Variants in GALNTL6 observed in about 807,000 individuals in gnomAD.
The protein encoded by GALNTL6 is polypeptide N-acetylgalactosaminyltransferase like 6, also known as polypeptide N-acetylgalactosaminyltransferase-like 6.
GALNTL6 carries 46 observed loss-of-function variants against 73.7 expected under a neutral mutation model. The observed-to-expected ratio is 0.62, with a 90% CI of 0.49 to 0.80. The LOEUF is 0.80. Ranked by LOEUF, GALNTL6 falls within the 30% of genes least tolerant of loss-of-function variation. The probability of loss-of-function intolerance (pLI) is 0.00; values close to 1 mark genes in which losing one functional copy is unlikely to be tolerated. For synonymous variants in GALNTL6, 259 were observed against 263.7 expected, an observed-to-expected ratio of 0.98 and a Z score of 0.17; for missense variants, 604 against 755.0, an observed-to-expected ratio of 0.80 and a Z score of 2.34.
rs185798099 is a variant in GALNTL6, at chr4:172,012,805, A to G, written c.138+198087A>G. On this transcript the variant is annotated intron_variant, in intron 2 of 12. Coordinates refer to ENST00000506823, the MANE Select transcript of GALNTL6 (RefSeq NM_001034845.3). ...TTTGAGGACTCAGCTTTGGTAAAGT[A>G]TAATTTACATAAATAAAATCCACAA... 4.1e-4 allele frequency among the ~76,000 whole-genome samples: 63 copies of G among 152,150 alleles called. 1 individual carries two copies. The East Asian group carries it at 0.012, about 29-fold the overall frequency.
At chr4:171,945,431 A>G (rs1487572234) in intron 2 of GALNTL6, among the ~76,000 whole-genome samples, 2 of 152,166 alleles carry the variant, frequency 1.3e-5, no homozygotes, top group African/African-American at 4.8e-5. Flanking sequence ...GATAAGCAGC[A>G]ATGCAGTGAA....
At chr4:173,028,304 G>A (rs1414993990) in intron 12 of GALNTL6, among the ~76,000 whole-genome samples, 1 of 152,206 alleles carries the variant, frequency 6.6e-6, no homozygotes, top group East Asian at 1.9e-4. Flanking sequence ...CTCGCCTGAG[G>A]ATAGACTGAC....
At chr4:172,307,515 C>G (rs1381484055) in intron 3 of GALNTL6, among the ~76,000 whole-genome samples, 1 of 152,116 alleles carries the variant, frequency 6.6e-6, no homozygotes, top group African/African-American at 2.4e-5. Flanking sequence ...TTTGATCCAT[C>G]TTGAGTTGAT....
At chr4:171,860,667 C>T (rs1028498879) in intron 2 of GALNTL6, among the ~76,000 whole-genome samples, 1 of 152,130 alleles carries the variant, frequency 6.6e-6, no homozygotes, top group African/African-American at 2.4e-5. Flanking sequence ...ATATTGTCTT[C>T]CTTAACAGGG....
chr4:172,455,716 T>A (rs1732372142), intron 5 of GALNTL6, among the ~76,000 whole-genome samples: 1 of 152,076 alleles, frequency 6.6e-6, no homozygotes, highest in Non-Finnish European at 1.5e-5. Context: ...GTCAGGGGCT[T>A]ATTCCCATCT....
intron 8 of GALNTL6, among the ~76,000 whole-genome samples, chr4:172,903,430 G>T (rs1167623705): frequency 6.6e-6 from 1 of 152,112 alleles, no homozygotes; most frequent in African/African-American, 2.4e-5. Flanking sequence ...GCTTAACTCT[G>T]CAGAAAAAGG....
intron 10 of GALNTL6, among the ~76,000 whole-genome samples, chr4:172,952,666 C>T (rs1398240639): frequency 2.6e-5 from 4 of 152,156 alleles, no homozygotes; most frequent in Non-Finnish European, 5.9e-5. Context: ...TAGGTGCACA[C>T]CACGACACTC....
At position 172,464,700 on chromosome 4, in the gene GALNTL6, C is replaced by G. The variant is rs559608734; in HGVS notation, c.553+116011C>G. On this transcript the variant is annotated intron_variant, in intron 5 of 12. Coordinates refer to ENST00000506823, the MANE Select transcript of GALNTL6 (RefSeq NM_001034845.3). ...CCAGCCTGGGTGAGACAGAGTGAGA[C>G]TCTGTCTCAAAAATAATAATAATAA... 1.5e-4 allele frequency among the ~76,000 whole-genome samples: 22 copies of G among 151,338 alleles called. No homozygotes were observed. In the East Asian group the frequency reaches 3.9e-3, roughly 27 times the overall value.
At chr4:172,619,588 A>G (rs1370734843) in intron 5 of GALNTL6, among the ~76,000 whole-genome samples, 1 of 152,184 alleles carries the variant, frequency 6.6e-6, no homozygotes, top group Non-Finnish European at 1.5e-5. Flanking sequence ...ATGCTTTCAA[A>G]CTATGTAAGA....
chr4:172,976,003 C>T (rs779460667), intron 10 of GALNTL6, among the ~76,000 whole-genome samples: 1 of 152,028 alleles, frequency 6.6e-6, no homozygotes, highest in Non-Finnish European at 1.5e-5. Context: ...GGTCGGAGCT[C>T]CGCCCGCTTA....
intron 4 of GALNTL6, among the ~76,000 whole-genome samples, chr4:172,326,095 A>C (rs1740931155): frequency 6.6e-6 from 1 of 151,950 alleles, no homozygotes; most frequent in Admixed American, 6.6e-5. Context: ...TAGTTTAATA[A>C]TTCATGCACT....
intron 5 of GALNTL6, among the ~76,000 whole-genome samples, chr4:172,438,526 A>T (rs1731719115): frequency 6.6e-6 from 1 of 152,012 alleles, no homozygotes; most frequent in South Asian, 2.1e-4. Flanking sequence ...ATTATATATT[A>T]TTGTTTTCAT....
intron 8 of GALNTL6, among the ~76,000 whole-genome samples, chr4:172,897,107 G>A (rs1212046253): frequency 6.6e-6 from 1 of 152,234 alleles, no homozygotes; most frequent in African/African-American, 2.4e-5. Flanking sequence ...ATACAGGATA[G>A]TTCCCCAACT....
chr4:172,702,991 A>T (rs1302566742), intron 5 of GALNTL6, among the ~76,000 whole-genome samples: 3 of 151,944 alleles, frequency 2.0e-5, no homozygotes, highest in African/African-American at 7.2e-5. Context: ...TGTTTTATGT[A>T]TACAACCAAA....
At chr4:172,432,606 A>G (rs987628866) in intron 5 of GALNTL6, among the ~76,000 whole-genome samples, 2 of 152,048 alleles carry the variant, frequency 1.3e-5, no homozygotes, top group African/African-American at 4.8e-5. Context: ...TGAAATATCT[A>G]AAACTGGATT....
At chr4:172,360,798 A>G (rs1446878979) in intron 5 of GALNTL6, among the ~76,000 whole-genome samples, 1 of 152,222 alleles carries the variant, frequency 6.6e-6, no homozygotes, top group Non-Finnish European at 1.5e-5. Flanking sequence ...GTAGAAGTTG[A>G]AAGAGAATAG....
chr4:172,429,581 T>G (rs1053328807), intron 5 of GALNTL6, among the ~76,000 whole-genome samples: 2 of 152,160 alleles, frequency 1.3e-5, no homozygotes, highest in South Asian at 2.1e-4. Context: ...AGCAGACATA[T>G]TCTAGGGTTT....
At chr4:172,033,331 TA>T (rs371284744) in intron 2 of GALNTL6, among the ~76,000 whole-genome samples, 4 of 151,646 alleles carry the variant, frequency 2.6e-5, no homozygotes, top group South Asian at 2.1e-4. Context: ...AATATCGTAG[TA>T]TTTTTTTCTA....
At chr4:172,381,907 G>A (rs940596850) in intron 5 of GALNTL6, among the ~76,000 whole-genome samples, 1 of 152,196 alleles carries the variant, frequency 6.6e-6, no homozygotes, top group Non-Finnish European at 1.5e-5. Context: ...CAAAATGGCT[G>A]CTTCATTTTA....
Sources: gnomAD v4.1 joint callset for allele counts (sites outside exome capture counted in the v4.1 genomes callset) on GRCh38, gnomAD v4.1.1 for gene constraint, MANE v1.5 for transcripts, NCBI Gene and HGNC (gene_info 2026-07-23, HGNC 2026-07-21) for gene names.